Variants in DOCK3 observed in about 807,000 individuals in gnomAD.
DOCK3 encodes the protein dedicator of cytokinesis 3, also known as dedicator of cytokinesis protein 3.
In DOCK3, 60 loss-of-function variants were observed where a neutral mutation model predicts 265.6. That is an observed-to-expected ratio of 0.23 (90% CI 0.18 to 0.28). The LOEUF (loss-of-function observed/expected upper bound fraction) is 0.28. Ranked by LOEUF, DOCK3 falls within the 10% of genes least tolerant of loss-of-function variation. The probability of loss-of-function intolerance (pLI) is 1.00; values close to 1 mark genes in which losing one functional copy is unlikely to be tolerated. For synonymous variants in DOCK3, 881 were observed against 938.0 expected (o/e 0.94, Z 1.11); for missense variants, 1,981 against 2,594.3 (o/e 0.76, Z 5.14).
intron 2 of DOCK3, among the ~76,000 whole-genome samples, chr3:50,801,695 A>G (rs2043076350): frequency 6.6e-6 from 1 of 152,178 alleles, no homozygotes; most frequent in South Asian, 2.1e-4. Flanking sequence ...GAAATGTTCT[A>G]CAAATATCTG....
intron 10 of DOCK3, among the ~76,000 whole-genome samples, chr3:51,149,041 C>T (rs964917230): frequency 6.6e-6 from 1 of 152,140 alleles, no homozygotes; most frequent in Non-Finnish European, 1.5e-5. Flanking sequence ...TGTAATTCTC[C>T]TTGAAGAGGT....
At chr3:50,867,998 G>A (rs1441724324) in intron 3 of DOCK3, among the ~76,000 whole-genome samples, 1 of 151,726 alleles carries the variant, frequency 6.6e-6, no homozygotes, top group Non-Finnish European at 1.5e-5. Context: ...AAGAAGATTG[G>A]TATTAGTTCT....
At chr3:50,959,270 A>T (rs1423504527) in intron 5 of DOCK3, among the ~76,000 whole-genome samples, 1 of 152,180 alleles carries the variant, frequency 6.6e-6, no homozygotes, top group Non-Finnish European at 1.5e-5. Flanking sequence ...CAAACATTTA[A>T]GGTGAAGAGA....
At chr3:50,929,378 T>C (rs1283730874) in intron 4 of DOCK3, among the ~76,000 whole-genome samples, 1 of 152,212 alleles carries the variant, frequency 6.6e-6, no homozygotes, top group East Asian at 1.9e-4. Context: ...GGGAGGGGGC[T>C]GCTTAAGGTC....
chr3:50,898,846 C>G (rs940134632), intron 4 of DOCK3, among the ~76,000 whole-genome samples: 2 of 151,230 alleles, frequency 1.3e-5, no homozygotes, highest in Admixed American at 6.6e-5. Context: ...GTCTGAGAGA[C>G]TGTTATGATT....
At chr3:51,350,515 G>C (rs2085906106) in intron 40 of DOCK3, 123 bp downstream of exon 40, 1 of 1,035,018 alleles carries the variant, frequency 9.7e-7, no homozygotes, top group Non-Finnish European at 1.4e-6. Context: ...GGATAAACCA[G>C]TTAACAACAG....
chr3:51,199,971 G>T (rs1267548238), intron 12 of DOCK3, among the ~76,000 whole-genome samples: 2 of 152,174 alleles, frequency 1.3e-5, no homozygotes, highest in Admixed American at 1.3e-4. Context: ...GCAGCTGAGG[G>T]TCCCGTCTGT....
chr3:51,095,297 C>A (rs1473314194), intron 9 of DOCK3, among the ~76,000 whole-genome samples: 1 of 152,146 alleles, frequency 6.6e-6, no homozygotes, highest in East Asian at 1.9e-4. Flanking sequence ...GTGGCTGATA[C>A]TGGTTTTTCC....
chr3:50,908,159 A>G (rs1459400565), intron 4 of DOCK3, among the ~76,000 whole-genome samples: 2 of 138,534 alleles, frequency 1.4e-5, no homozygotes, highest in Admixed American at 1.4e-4. Context: ...TCAAAAAACC[A>G]TCTTCCAGAT....
chr3:51,335,614 T>A (rs112544364), intron 35 of DOCK3, among the ~76,000 whole-genome samples: 1,611 of 152,220 alleles, frequency 0.011, 40 homozygotes, highest in African/African-American at 0.035. Flanking sequence ...AAATAATGAG[T>A]GATAAACTTG....
chr3:51,194,645 C>T (rs1481942414), intron 12 of DOCK3, among the ~76,000 whole-genome samples: 3 of 152,052 alleles, frequency 2.0e-5, no homozygotes, highest in East Asian at 3.8e-4. Context: ...ATCCCTTTAT[C>T]ATTATATAAT....
intron 47 of DOCK3, among the ~76,000 whole-genome samples, chr3:51,360,973 C>G (rs1395322255): frequency 6.6e-6 from 1 of 152,150 alleles, no homozygotes; most frequent in Admixed American, 6.5e-5. Context: ...AACAAGCCAG[C>G]CTGGTCAGCA....
At chr3:50,688,971 C>G (rs1243702133) in intron 1 of DOCK3, among the ~76,000 whole-genome samples, 4 of 152,128 alleles carry the variant, frequency 2.6e-5, no homozygotes, top group Admixed American at 6.5e-5. Flanking sequence ...GAGGCATGGA[C>G]TGTAAATAAA....
At chr3:51,252,452 C>A (rs1484294050) in intron 22 of DOCK3, among the ~76,000 whole-genome samples, 1 of 152,186 alleles carries the variant, frequency 6.6e-6, no homozygotes. Flanking sequence ...TTACCTTGGG[C>A]AGTATGGCCA....
rs1019362298 is a variant in DOCK3, at chr3:51,075,406, C to G, written c.515C>G (p.Ser172Trp). The G allele has an allele frequency of 2.5e-6, 4 of 1,610,890 alleles. No homozygotes were observed. The highest frequency in any genetic ancestry group is 2.5e-6 in the Non-Finnish European group (3 of 1,178,658). ...CGGAAGGACTTTGAAGTAGTGGACT[C>G]GGACCAGATTAGTGTCTCAGATCTC... ...VPRKDFEVVD[S>W]DQISVSDLYK... is the part of the protein sequence containing the mutation. Residue 172 changes from serine to tryptophan, a missense_variant, in exon 7 of 53, where the codon TCG (serine) becomes TGG (tryptophan). By Grantham distance (177) the Ser-to-Trp change is radical (BLOSUM62 -3). This residue lies in a region of DOCK3 where 456 missense variants were observed against 539.0 expected (regional missense o/e 0.85). Transcript: ENST00000266037.
At chr3:51,150,888 T>C (rs532814904) in intron 10 of DOCK3, among the ~76,000 whole-genome samples, 46 of 152,320 alleles carry the variant, frequency 3.0e-4, no homozygotes, top group Middle Eastern at 3.4e-3. Flanking sequence ...TTCCTGGATG[T>C]CCTTGTTAGC....
intron 4 of DOCK3, among the ~76,000 whole-genome samples, chr3:50,904,649 A>G (rs2049379902): frequency 6.6e-6 from 1 of 152,096 alleles, no homozygotes; most frequent in African/African-American, 2.4e-5. Context: ...TTTAAGTTTA[A>G]GTTCTTTGTA....
chr3:50,748,478 C>T (rs1441324452), intron 1 of DOCK3, among the ~76,000 whole-genome samples: 3 of 152,164 alleles, frequency 2.0e-5, no homozygotes, highest in Non-Finnish European at 4.4e-5. Context: ...GATCTGGTCA[C>T]AGCTGGGGAA....
At chr3:51,106,674 G>A (rs777827219) in intron 9 of DOCK3, among the ~76,000 whole-genome samples, 12 of 152,144 alleles carry the variant, frequency 7.9e-5, no homozygotes, top group Admixed American at 2.6e-4. Context: ...CACTGCTGCC[G>A]GCATCAACGC....
Sources: gnomAD v4.1 joint callset for allele counts (sites outside exome capture counted in the v4.1 genomes callset) on GRCh38, gnomAD v4.1.1 for gene constraint, gnomAD v4.1.1 regional missense constraint, MANE v1.5 for transcripts, NCBI Gene and HGNC (gene_info 2026-07-23, HGNC 2026-07-21) for gene names.